M1AP: variants seen among roughly 807,000 people sequenced by gnomAD.
M1AP encodes the protein meiosis 1 associated protein, also known as meiosis 1 arrest protein.
A neutral mutation model predicts 51.2 loss-of-function variants in M1AP; 39 were observed. That is an observed-to-expected ratio of 0.76 (90% CI 0.59 to 1.00). The LOEUF is 1.00. Among genes scored for constraint, M1AP ranks in the 50% least tolerant of loss-of-function variants. M1AP has a pLI of 0.00. For missense variants in M1AP, 545 were observed against 641.2 expected (o/e 0.85, Z 1.62); for synonymous variants, 251 against 249.2 (o/e 1.01, Z -0.07).
intron 1 of M1AP, among the ~76,000 whole-genome samples, chr2:74,641,316 A>AT (rs1484744876): frequency 6.6e-6 from 1 of 152,216 alleles, no homozygotes; most frequent in Non-Finnish European, 1.5e-5. Flanking sequence ...ACTTATACTT[A>AT]TCCCCAGGAC....
chr2:74,620,891 C>G (rs995668417), intron 2 of M1AP: 2 of 177,886 alleles, frequency 1.1e-5, no homozygotes, highest in Non-Finnish European at 2.6e-5. Flanking sequence ...CCTTGAGAAT[C>G]ACTTCCGCGG....
intron 1 of M1AP, among the ~76,000 whole-genome samples, chr2:74,645,323 AG>A (rs1683541734): frequency 1.3e-5 from 2 of 152,210 alleles, no homozygotes; most frequent in South Asian, 4.1e-4. Context: ...TAACACCGCC[AG>A]GGTCCGCGGC....
chr2:74,593,264 A>G (rs905568366), intron 4 of M1AP, among the ~76,000 whole-genome samples: 2 of 152,250 alleles, frequency 1.3e-5, no homozygotes, highest in African/African-American at 4.8e-5. Context: ...AGGTAAAAAG[A>G]AAGAACCAAA....
intron 7 of M1AP, among the ~76,000 whole-genome samples, chr2:74,573,497 T>G (rs769925541): frequency 2.0e-5 from 3 of 151,864 alleles, no homozygotes; most frequent in Non-Finnish European, 4.4e-5. Context: ...GGATTAGAGG[T>G]GCGTGCCACT....
chr2:74,647,375 G>A (rs1683671498), intron 1 of M1AP: 1 of 985,148 alleles, frequency 1.0e-6, no homozygotes, highest in Non-Finnish European at 1.2e-6. Flanking sequence ...CATTCACTTT[G>A]TCGCGTGATA....
chr2:74,558,817 GAGTCATAGGCAGGGGGGCCAC>G lies in M1AP; in HGVS notation c.1471_1491del (p.Val491_Thr497del). 1.9e-6 allele frequency: 3 copies of G among 1,610,252 alleles called. No individual in the cohort carries two copies. The highest frequency in any genetic ancestry group is 2.5e-6 in the Non-Finnish European group (3 of 1,178,450). ...ATCTTGGAGGCTCTGCCTGGGACAG[GAGTCATAGGCAGGGGGGCCAC>G]AGTAGCTCGAGCTCGGTTGGTCTGC... On this transcript the variant is annotated inframe_deletion, in exon 11 of 11. Transcript: ENST00000421985.
intron 2 of M1AP, 41 bp from the exon 3 acceptor site, chr2:74,615,190 C>T (rs746638995): frequency 1.9e-6 from 3 of 1,565,152 alleles, no homozygotes; most frequent in South Asian, 2.2e-5. Flanking sequence ...TCTTTAGGGA[C>T]CAGGTTTCAG....
intron 1 of M1AP, among the ~76,000 whole-genome samples, chr2:74,645,900 A>G (rs1410598433): frequency 2.6e-5 from 4 of 152,250 alleles, no homozygotes; most frequent in Admixed American, 6.5e-5. Context: ...GTTCAAGTAT[A>G]TAGATTTCAG....
At chr2:74,575,280 A>C in intron 7 of M1AP, 158 bp downstream of exon 7, 1 of 1,433,646 alleles carries the variant, frequency 7.0e-7, no homozygotes, top group Non-Finnish European at 9.1e-7. Flanking sequence ...AACAAAAGGC[A>C]AGTCATATTT....
At chr2:74,621,275 C>T (rs1682014222) in intron 2 of M1AP, among the ~76,000 whole-genome samples, 1 of 151,660 alleles carries the variant, frequency 6.6e-6, no homozygotes, top group Non-Finnish European at 1.5e-5. Flanking sequence ...GAGCGAGGCT[C>T]CGTCTCAAAA....
In M1AP at chr2:74,607,231, T is replaced by A; in HGVS notation, c.427-8A>T. On this transcript the variant is annotated splice_region_variant and splice_polypyrimidine_tract_variant and intron_variant, in intron 3 of 10. Transcript: ENST00000421985. ...AGAAGTCAGAATAGTAATCTGAAAATAAATCCAAGAATCAATGTGTCTATT... is the reference window on the plus strand; with the variant it reads ...AGAAGTCAGAATAGTAATCTGAAAAAAAATCCAAGAATCAATGTGTCTATT... The A allele has an allele frequency of 6.2e-7, 1 of 1,613,572 alleles. No homozygotes were observed. The highest frequency in any genetic ancestry group is 8.5e-7 in the Non-Finnish European group (1 of 1,179,598).
At chr2:74,609,604 C>T (rs1681212285) in intron 3 of M1AP, among the ~76,000 whole-genome samples, 8 of 152,120 alleles carry the variant, frequency 5.3e-5, no homozygotes, top group Admixed American at 5.2e-4. Context: ...TATATGGTAG[C>T]TCTGCTTTTA....
At chr2:74,603,893 C>T (rs1334199424) in intron 4 of M1AP, among the ~76,000 whole-genome samples, 2 of 152,044 alleles carry the variant, frequency 1.3e-5, no homozygotes, top group African/African-American at 4.8e-5. Flanking sequence ...CTGCACGCGA[C>T]CAGAAAGAAA....
chr2:74,580,077 C>T (rs927312758), intron 5 of M1AP, among the ~76,000 whole-genome samples: 2 of 152,180 alleles, frequency 1.3e-5, no homozygotes, highest in Admixed American at 6.5e-5. Context: ...AGAATGCTGG[C>T]ATTACAGGAG....
chr2:74,560,750 T>C (rs1677867895), intron 8 of M1AP, among the ~76,000 whole-genome samples: 1 of 151,982 alleles, frequency 6.6e-6, no homozygotes. Flanking sequence ...ACAACATTCC[T>C]GTGCAGTCAG....
intron 2 of M1AP, among the ~76,000 whole-genome samples, chr2:74,622,634 G>C (rs534901711): frequency 1.3e-3 from 196 of 149,832 alleles, no homozygotes; most frequent in Middle Eastern, 3.4e-3. Flanking sequence ...CTAGTAAATG[G>C]TGCTGATTTA....
intron 1 of M1AP, among the ~76,000 whole-genome samples, chr2:74,641,367 T>C (rs1683287058): frequency 6.6e-6 from 1 of 152,130 alleles, no homozygotes; most frequent in Admixed American, 6.5e-5. Context: ...AAAGAACCAA[T>C]ATAAGGAATG....
chr2:74,568,126 C>T (rs1210585931), intron 7 of M1AP, among the ~76,000 whole-genome samples: 3 of 152,196 alleles, frequency 2.0e-5, no homozygotes, highest in Admixed American at 6.5e-5. Flanking sequence ...TGAGCAATAC[C>T]CACACTTGTA....
chr2:74,568,155 A>C (rs1474038724), intron 7 of M1AP, among the ~76,000 whole-genome samples: 2 of 152,270 alleles, frequency 1.3e-5, no homozygotes, highest in African/African-American at 4.8e-5. Flanking sequence ...CAGGAGCCTG[A>C]AAATGAAAAC....
Sources: allele counts gnomAD v4.1 joint callset (sites outside exome capture counted in the v4.1 genomes callset), GRCh38; gene constraint gnomAD v4.1.1; transcripts MANE v1.5; gene names NCBI Gene and HGNC (gene_info 2026-07-23, HGNC 2026-07-21).